The following CRY1 variants were observed in gnomAD, a reference collection of about 807,000 sequenced individuals.
CRY1 encodes cryptochrome circadian regulator 1.
A neutral mutation model predicts 76.0 loss-of-function variants in CRY1; 45 were observed. The ratio of observed to expected loss-of-function variants is 0.59; its 90% CI spans 0.47 to 0.76. CRY1 has a LOEUF of 0.76. Among genes scored for constraint, CRY1 ranks in the 30% least tolerant of loss-of-function variants. The pLI is 0.00. For missense variants in CRY1, 587 were observed against 716.4 expected (o/e 0.82, Z 2.06); for synonymous variants, 248 against 244.0 (o/e 1.02, Z -0.15).
In CRY1 at chr12:107,005,266, G is replaced by C. The variant is rs771443849; in HGVS notation, c.268-18C>G. 6.3e-7 allele frequency: 1 copy of C among 1,596,558 alleles called. No homozygotes were observed. Among genetic ancestry groups the C allele is most frequent in the African/African-American group, 1.3e-5 (1 of 74,286 alleles). ...TTCCATTCCTAAAGTAAGAGAAAGG[G>C]GAACAATGTACACCAATTGTAATAG... On this transcript the variant is annotated intron_variant, in intron 2 of 12. Coordinates refer to ENST00000008527, the MANE Select transcript of CRY1 (RefSeq NM_004075.5).
chr12:107,067,364 C>T (rs996880128), intron 1 of CRY1, among the ~76,000 whole-genome samples: 1 of 152,112 alleles, frequency 6.6e-6, no homozygotes, highest in African/African-American at 2.4e-5. Context: ...ACTCATAATT[C>T]ACTGATACAC....
chr12:107,057,950 G>A (rs1953003535), intron 1 of CRY1, among the ~76,000 whole-genome samples: 1 of 151,744 alleles, frequency 6.6e-6, no homozygotes. Flanking sequence ...TGTGGTCCCA[G>A]TTACTCAGGA....
At chr12:107,088,647 A>G (rs1037509216) in intron 1 of CRY1, among the ~76,000 whole-genome samples, 2 of 152,258 alleles carry the variant, frequency 1.3e-5, no homozygotes, top group African/African-American at 2.4e-5. Context: ...CCTGTTGTTT[A>G]TAAACTACCT....
At chr12:107,004,874 C>T (rs1593496592) in intron 3 of CRY1, among the ~76,000 whole-genome samples, 1 of 152,108 alleles carries the variant, frequency 6.6e-6, no homozygotes, top group East Asian at 1.9e-4. Flanking sequence ...AACTGAAATG[C>T]TGATACCTGT....
chr12:107,077,379 A>G (rs1009176275), intron 1 of CRY1, among the ~76,000 whole-genome samples: 3 of 152,176 alleles, frequency 2.0e-5, no homozygotes, highest in Non-Finnish European at 4.4e-5. Context: ...AATGACTTGC[A>G]CAGTACCTGG....
At chr12:107,082,762 C>T (rs1470621476) in intron 1 of CRY1, among the ~76,000 whole-genome samples, 3 of 152,090 alleles carry the variant, frequency 2.0e-5, no homozygotes, top group African/African-American at 4.8e-5. Context: ...AAAATCGACA[C>T]CCTAACATCA....
In CRY1 at chr12:107,008,829, G is replaced by A. The variant is rs140428774; in HGVS notation, c.268-3581C>T. On this transcript the variant is annotated intron_variant, in intron 2 of 12. Transcript: ENST00000008527. ...CATGATAGTGAATAAGTCTCACAAGGTCTGATGGTTTTTTTAAAGGGCAGT... is the reference window on the plus strand; with the variant it reads ...CATGATAGTGAATAAGTCTCACAAGATCTGATGGTTTTTTTAAAGGGCAGT... 3.6e-3 allele frequency among the ~76,000 whole-genome samples: 551 copies of A among 152,276 alleles called. 5 individuals are homozygous for A. The highest frequency in any genetic ancestry group is 0.013 in the African/African-American group (539 of 41,552).
chr12:107,081,920 A>G (rs1262025375), intron 1 of CRY1, among the ~76,000 whole-genome samples: 1 of 152,054 alleles, frequency 6.6e-6, no homozygotes, highest in Non-Finnish European at 1.5e-5. Flanking sequence ...GATGGAGCCT[A>G]GCAAGAGGTA....
chr12:107,070,892 G>C (rs1264777306), intron 1 of CRY1, among the ~76,000 whole-genome samples: 4 of 146,734 alleles, frequency 2.7e-5, no homozygotes, highest in Non-Finnish European at 4.5e-5. Flanking sequence ...TTTTAGTAGA[G>C]ACAGGGTTTC....
chr12:107,042,446 G>A (rs1242562906), intron 1 of CRY1, among the ~76,000 whole-genome samples: 1 of 151,984 alleles, frequency 6.6e-6, no homozygotes, highest in Non-Finnish European at 1.5e-5. Context: ...AAGACATACC[G>A]ATACCACATA....
intron 1 of CRY1, among the ~76,000 whole-genome samples, chr12:107,088,059 T>A (rs1051574291): frequency 6.6e-6 from 1 of 152,018 alleles, no homozygotes; most frequent in African/African-American, 2.4e-5. Context: ...ATAAAAATAA[T>A]AAATAAATAA....
chr12:107,012,726 T>C (rs1952458712), intron 2 of CRY1, among the ~76,000 whole-genome samples: 1 of 152,204 alleles, frequency 6.6e-6, no homozygotes, highest in Non-Finnish European at 1.5e-5. Context: ...TTCACCATTC[T>C]AGATGCCAAT....
At chr12:107,015,608 T>C (rs188993210) in intron 2 of CRY1, among the ~76,000 whole-genome samples, 234 of 152,344 alleles carry the variant, frequency 1.5e-3, no homozygotes, top group African/African-American at 5.1e-3. Flanking sequence ...GTAGTTACCT[T>C]TGAATTTCAA....
At chr12:107,078,163 C>G (rs1207955208) in intron 1 of CRY1, among the ~76,000 whole-genome samples, 1 of 152,172 alleles carries the variant, frequency 6.6e-6, no homozygotes, top group Non-Finnish European at 1.5e-5. Context: ...GTACTGCTTT[C>G]AGTTTTCTAC....
chr12:107,063,833 T>A (rs1332642890), intron 1 of CRY1, among the ~76,000 whole-genome samples: 1 of 151,946 alleles, frequency 6.6e-6, no homozygotes, highest in Non-Finnish European at 1.5e-5. Context: ...CCTGACCTCA[T>A]GTGATCCACC....
chr12:107,081,240 T>C (rs2136899752), intron 1 of CRY1, among the ~76,000 whole-genome samples: 1 of 152,106 alleles, frequency 6.6e-6, no homozygotes, highest in East Asian at 1.9e-4. Flanking sequence ...AACAAATCTG[T>C]TCATTGAGAA....
chr12:107,017,822 A>C (rs1198546286), intron 2 of CRY1, among the ~76,000 whole-genome samples: 1 of 152,202 alleles, frequency 6.6e-6, no homozygotes, highest in Non-Finnish European at 1.5e-5. Context: ...CTCACTCTTC[A>C]TATGCTTGCT....
chr12:107,034,635 T>C (rs986659122), intron 1 of CRY1, among the ~76,000 whole-genome samples: 2 of 152,136 alleles, frequency 1.3e-5, no homozygotes, highest in Non-Finnish European at 1.5e-5. Flanking sequence ...AATGTCAATA[T>C]TCAGAAATAT....
intron 1 of CRY1, among the ~76,000 whole-genome samples, chr12:107,059,955 T>C (rs544663453): frequency 6.6e-6 from 1 of 152,358 alleles, no homozygotes; most frequent in South Asian, 2.1e-4. Context: ...ATATGTGTGA[T>C]ATAAATAAAT....
Sources: gnomAD v4.1 joint callset for allele counts (sites outside exome capture counted in the v4.1 genomes callset) on GRCh38, gnomAD v4.1.1 for gene constraint, MANE v1.5 for transcripts, NCBI Gene and HGNC (gene_info 2026-07-23, HGNC 2026-07-21) for gene names.